FCHSD2: variants seen among roughly 807,000 people sequenced by gnomAD.
The protein encoded by FCHSD2 is F-BAR and double SH3 domains protein 2.
In FCHSD2, 38 loss-of-function variants were observed where a neutral mutation model predicts 108.1. The observed-to-expected ratio is 0.35, with a 90% CI of 0.27 to 0.46. The LOEUF is 0.46. Among genes scored for constraint, FCHSD2 ranks in the 20% least tolerant of loss-of-function variants. The pLI, the probability that FCHSD2 is intolerant of heterozygous loss-of-function variation, is 1.00. For missense variants in FCHSD2, 751 were observed against 897.8 expected (o/e 0.84, Z 2.09); for synonymous variants, 279 against 314.7 (o/e 0.89, Z 1.20).
intron 3 of FCHSD2, among the ~76,000 whole-genome samples, chr11:73,033,540 T>C (rs1006354712): frequency 6.6e-6 from 1 of 152,124 alleles, no homozygotes; most frequent in African/African-American, 2.4e-5. Context: ...GGAGGAATTA[T>C]AGGGCGCTAC....
intron 11 of FCHSD2, among the ~76,000 whole-genome samples, chr11:72,888,274 A>G (rs1393046690): frequency 6.6e-6 from 1 of 152,202 alleles, no homozygotes; most frequent in Non-Finnish European, 1.5e-5. Flanking sequence ...ACATTTTAAG[A>G]CATGGAATTG....
At position 73,138,744 on chromosome 11, in the gene FCHSD2, A is replaced by G. The variant is rs185346335; in HGVS notation, c.119+1287T>C. ...TGCCTCAGCCTCCTGAGTAGCTAGG[A>G]CTACAGGCGCACGCCACCATGCCTG... On this transcript the variant is annotated intron_variant, in intron 2 of 19. Coordinates refer to ENST00000409418, the MANE Select transcript of FCHSD2 (RefSeq NM_014824.3). Among the ~76,000 whole-genome samples, 4 of 151,722 alleles carry G rather than the reference A, an allele frequency of 2.6e-5. 1 individual carries two copies. Among genetic ancestry groups the G allele is most frequent in the African/African-American group, 9.7e-5 (4 of 41,358 alleles).
At chr11:72,849,023 G>A (rs1424414037) in intron 14 of FCHSD2, among the ~76,000 whole-genome samples, 4 of 152,140 alleles carry the variant, frequency 2.6e-5, no homozygotes, top group Non-Finnish European at 5.9e-5. Context: ...ACAAGTCTGG[G>A]AATCACTGAT....
intron 9 of FCHSD2, among the ~76,000 whole-genome samples, chr11:72,917,077 C>T (rs1262434809): frequency 2.6e-5 from 4 of 151,104 alleles, no homozygotes; most frequent in Non-Finnish European, 5.9e-5. Context: ...CTCCACCTTT[C>T]GGGTTCAAGC....
At chr11:72,903,285 C>T (rs1855564859) in intron 9 of FCHSD2, among the ~76,000 whole-genome samples, 1 of 152,026 alleles carries the variant, frequency 6.6e-6, no homozygotes, top group African/African-American at 2.4e-5. Flanking sequence ...GGTGCAAGCT[C>T]GGCTCACTGC....
intron 4 of FCHSD2, among the ~76,000 whole-genome samples, chr11:73,006,537 T>C (rs899427761): frequency 5.3e-5 from 8 of 152,126 alleles, no homozygotes; most frequent in South Asian, 4.1e-4. Flanking sequence ...CCACTGTGAC[T>C]ACCCCGCTTT....
At chr11:73,133,025 T>C (rs1861039988) in intron 2 of FCHSD2, among the ~76,000 whole-genome samples, 1 of 152,176 alleles carries the variant, frequency 6.6e-6, no homozygotes, top group Admixed American at 6.5e-5. Flanking sequence ...ATGCTCACCA[T>C]CATAAGTTGT....
At chr11:72,870,872 C>G (rs1854840755) in intron 12 of FCHSD2, among the ~76,000 whole-genome samples, 1 of 118,668 alleles carries the variant, frequency 8.4e-6, no homozygotes, top group South Asian at 2.9e-4. Context: ...TGCACTACAG[C>G]CTGGGTGACA....
At chr11:72,898,799 G>A (rs770845621) in intron 10 of FCHSD2, among the ~76,000 whole-genome samples, 15 of 151,420 alleles carry the variant, frequency 9.9e-5, no homozygotes, top group African/African-American at 3.2e-4. Flanking sequence ...GTGTGATCAC[G>A]GCTCATTGCA....
intron 9 of FCHSD2, among the ~76,000 whole-genome samples, chr11:72,913,722 T>C (rs1252240141): frequency 6.6e-6 from 1 of 151,460 alleles, no homozygotes. Context: ...TTTTCCTCAC[T>C]AGTCTGGCTA....
chr11:73,023,032 GAGTTACACAA>G (rs1162725379), intron 3 of FCHSD2, among the ~76,000 whole-genome samples: 1 of 152,000 alleles, frequency 6.6e-6, no homozygotes, highest in Admixed American at 6.6e-5. Flanking sequence ...CATACCTCAC[GAGTTACACAA>G]AAATTGGCTC....
chr11:72,855,097 A>T (rs1366258065), intron 13 of FCHSD2, among the ~76,000 whole-genome samples: 5 of 152,220 alleles, frequency 3.3e-5, no homozygotes. Context: ...AACATGGAGA[A>T]ACCCTGTCTC....
At position 72,984,146 on chromosome 11, in the gene FCHSD2, G is replaced by C. The variant is rs377537934; in HGVS notation, c.647C>G (p.Ala216Gly). 3.7e-6 allele frequency: 6 copies of C among 1,613,212 alleles called. No homozygotes were observed. The highest frequency in any genetic ancestry group is 5.1e-6 in the Non-Finnish European group (6 of 1,179,254). ...GCGATCCTGATGTGCATTTGCTGCC[G>C]CTAGGGTAAGAAGATAATCATTCCT... ...HARNDYLLTL[A>G]AANAHQDRYY... Residue 216 changes from alanine to glycine, a missense_variant, in exon 8 of 20, where the codon GCG (alanine) becomes GGG (glycine). Coordinates refer to ENST00000409418, the MANE Select transcript of FCHSD2 (RefSeq NM_014824.3).
chr11:73,016,103 G>T (rs1159614732), intron 3 of FCHSD2, among the ~76,000 whole-genome samples: 1 of 152,084 alleles, frequency 6.6e-6, no homozygotes, highest in African/African-American at 2.4e-5. Context: ...AGGAGTTTGA[G>T]ACCAGCTTGG....
chr11:72,959,853 G>GGGGT lies in FCHSD2; in HGVS notation c.705+24234_705+24235insACCC, dbSNP rs375788859. On this transcript the variant is annotated intron_variant, in intron 8 of 19. Coordinates refer to ENST00000409418, the MANE Select transcript of FCHSD2 (RefSeq NM_014824.3). ...AATTTCCCTGATTTTAAGTTTCTAG[G>GGGGT]GTGTGTGTGTGTGTGTGTGTGTGTG... Among the ~76,000 whole-genome samples the GGGGT allele has an allele frequency of 1.7e-4, 25 of 145,896 alleles. 1 individual carries two copies. The East Asian group carries it at 2.2e-3, about 13-fold the overall frequency.
At chr11:73,068,334 T>A in intron 3 of FCHSD2, among the ~76,000 whole-genome samples, 1 of 5,590 alleles carries the variant, frequency 1.8e-4, no homozygotes, top group South Asian at 6.0e-3. Flanking sequence ...CGGTGGGTGG[T>A]GGAGGGAGGG....
intron 14 of FCHSD2, among the ~76,000 whole-genome samples, chr11:72,847,139 G>A (rs1254101953): frequency 6.6e-6 from 1 of 152,144 alleles, no homozygotes; most frequent in East Asian, 1.9e-4. Context: ...TAGGACGATA[G>A]GCATGTGCCA....
At chr11:72,986,515 ATTTTAC>A (rs1261102363) in intron 6 of FCHSD2, among the ~76,000 whole-genome samples, 5 of 152,078 alleles carry the variant, frequency 3.3e-5, no homozygotes, top group Admixed American at 3.3e-4. Flanking sequence ...GGCCCCAATT[ATTTTAC>A]TTTTATTAAT....
intron 5 of FCHSD2, among the ~76,000 whole-genome samples, chr11:72,991,406 C>CA (rs886929246): frequency 2.0e-5 from 3 of 151,982 alleles, no homozygotes; most frequent in Admixed American, 1.3e-4. Context: ...AGTGACACAA[C>CA]AAAAAAAGAG....
Sources: gnomAD v4.1 joint callset for allele counts (sites outside exome capture counted in the v4.1 genomes callset) on GRCh38, gnomAD v4.1.1 for gene constraint, MANE v1.5 for transcripts, NCBI Gene and HGNC (gene_info 2026-07-23, HGNC 2026-07-21) for gene names.